EXT1: variants seen among roughly 807,000 people sequenced by gnomAD.
EXT1 encodes the protein exostosin glycosyltransferase 1.
Under a neutral mutation model 82.5 loss-of-function variants are expected in EXT1, and 20 were observed. The ratio of observed to expected loss-of-function variants is 0.24; its 90% CI spans 0.17 to 0.35. The LOEUF (loss-of-function observed/expected upper bound fraction) is 0.35. Ranked by LOEUF, EXT1 falls within the 10% of genes least tolerant of loss-of-function variation. The pLI is 1.00. For synonymous variants in EXT1, 348 were observed against 350.8 expected (o/e 0.99, Z 0.09); for missense variants, 757 against 936.5 (o/e 0.81, Z 2.50).
intron 1 of EXT1, among the ~76,000 whole-genome samples, chr8:118,083,773 AT>A (rs1425936788): frequency 6.6e-6 from 1 of 152,130 alleles, no homozygotes; most frequent in African/African-American, 2.4e-5. Context: ...CATGCCTGTA[AT>A]CCCAGCATTT....
At chr8:117,942,618 G>A (rs1165036915) in intron 1 of EXT1, among the ~76,000 whole-genome samples, 1 of 152,104 alleles carries the variant, frequency 6.6e-6, no homozygotes, top group Non-Finnish European at 1.5e-5. Flanking sequence ...GGCTGAGGCA[G>A]GAGAATCGCT....
intron 1 of EXT1, among the ~76,000 whole-genome samples, chr8:117,897,591 CTTTTTTTTTTTTT>C (rs34963536): frequency 2.2e-5 from 2 of 90,656 alleles, no homozygotes; most frequent in Non-Finnish European, 4.0e-5. Context: ...CTTCTTTTCT[CTTTTTTTTTTTTT>C]TTTTTTTTGA....
chr8:117,830,281 C>G lies in EXT1; in HGVS notation c.1233G>C (p.Leu411Phe), dbSNP rs750160957. The G allele has an allele frequency of 6.2e-7, 1 of 1,613,954 alleles. No individual in the cohort carries two copies. ...ILALRQQTQF[L>F]WEAYFSSVEK... is the part of the protein sequence containing the mutation. ...CAACTGAAGAAAAATAAGCCTCCCA[C>G]AAGAATTGTGTCTGCTGTCTAAGTG... Residue 411 changes from leucine (L) to phenylalanine (F), a missense_variant, in exon 4 of 11, where the codon TTG becomes TTC. Leu to Phe is a conservative substitution (Grantham distance 22). Coordinates refer to ENST00000378204, the MANE Select transcript of EXT1 (RefSeq NM_000127.3).
intron 1 of EXT1, among the ~76,000 whole-genome samples, chr8:117,850,843 C>G (rs946951464): frequency 9.9e-5 from 15 of 152,166 alleles, no homozygotes; most frequent in African/African-American, 3.6e-4. Flanking sequence ...CAGGACCCTG[C>G]CTGCAGGCTT....
At chr8:117,974,610 G>C (rs1033714806) in intron 1 of EXT1, among the ~76,000 whole-genome samples, 1 of 152,110 alleles carries the variant, frequency 6.6e-6, no homozygotes, top group Non-Finnish European at 1.5e-5. Flanking sequence ...TGGGACCACA[G>C]CCCATGTCAC....
intron 1 of EXT1, among the ~76,000 whole-genome samples, chr8:117,925,544 T>G: frequency 6.6e-6 from 1 of 151,854 alleles, no homozygotes; most frequent in East Asian, 1.9e-4. Flanking sequence ...CCCAGGTTTA[T>G]GAGAACAGAT....
intron 1 of EXT1, among the ~76,000 whole-genome samples, chr8:117,859,780 G>T (rs1409702707): frequency 6.6e-6 from 1 of 152,148 alleles, no homozygotes; most frequent in East Asian, 1.9e-4. Context: ...TCCATCAATG[G>T]ATGATTGGAT....
chr8:117,935,470 C>A lies in EXT1; in HGVS notation c.963-98269G>T, dbSNP rs191947044. The stretch of plus-strand genomic sequence containing the variant: ...CAAGTGGTTGGGAGGTGTGCACCAA[C>A]ACGCCTGGTACACAGGTATGCACCA... On this transcript the variant is annotated intron_variant, in intron 1 of 10. Transcript: ENST00000378204. 1.8e-4 allele frequency among the ~76,000 whole-genome samples: 28 copies of A among 152,106 alleles called. No individual in the cohort carries two copies. In the East Asian group the frequency reaches 2.3e-3, roughly 13 times the overall value.
chr8:117,828,174 T>C (rs1305175784), intron 4 of EXT1, among the ~76,000 whole-genome samples: 2 of 152,106 alleles, frequency 1.3e-5, no homozygotes, highest in Non-Finnish European at 2.9e-5. Flanking sequence ...AATATATATG[T>C]TTGTGGGGAT....
chr8:117,923,967 C>G lies in EXT1; in HGVS notation c.963-86766G>C, dbSNP rs998956939. Reference sequence around the variant, plus strand: ...ACATGTATTCACCATCGTTGATATACTGAGAATAACTCCCAGACTAAGAGT... The same window carrying G: ...ACATGTATTCACCATCGTTGATATAGTGAGAATAACTCCCAGACTAAGAGT... On this transcript the variant is annotated intron_variant, in intron 1 of 10. Transcript: ENST00000378204. Among the ~76,000 whole-genome samples, 4 of 152,290 alleles carry G rather than the reference C, an allele frequency of 2.6e-5. No individual in the cohort carries two copies. In the East Asian group the frequency reaches 7.7e-4, roughly 29 times the overall value.
rs139705378 is a variant in EXT1, at chr8:117,950,945, T to C, written c.963-113744A>G. Among the ~76,000 whole-genome samples, 33 of 152,326 alleles carry C rather than the reference T, an allele frequency of 2.2e-4. No individual in the cohort carries two copies. The East Asian group carries it at 6.0e-3, about 28-fold the overall frequency. On this transcript the variant is annotated intron_variant, in intron 1 of 10. Transcript: ENST00000378204. ...TAAAAGTTGTAAGTTTCTATACTTA[T>C]AACCAAAGAGGCAAATTATATTTTG...
At chr8:118,009,409 A>C (rs1048361816) in intron 1 of EXT1, among the ~76,000 whole-genome samples, 13 of 152,194 alleles carry the variant, frequency 8.5e-5, no homozygotes, top group African/African-American at 2.7e-4. Flanking sequence ...GCTCTAATCC[A>C]CAGAGGGAAA....
chr8:117,856,126 G>C (rs1254304798), intron 1 of EXT1, among the ~76,000 whole-genome samples: 1 of 152,222 alleles, frequency 6.6e-6, no homozygotes, highest in African/African-American at 2.4e-5. Context: ...TGTTACTCCA[G>C]TGAACACATG....
At chr8:117,938,537 G>A (rs1234056128) in intron 1 of EXT1, among the ~76,000 whole-genome samples, 1 of 152,160 alleles carries the variant, frequency 6.6e-6, no homozygotes, top group African/African-American at 2.4e-5. Context: ...CACACTTTGA[G>A]TGCTCCACAG....
At chr8:117,867,596 G>T (rs986406021) in intron 1 of EXT1, among the ~76,000 whole-genome samples, 1 of 152,184 alleles carries the variant, frequency 6.6e-6, no homozygotes, top group Non-Finnish European at 1.5e-5. Flanking sequence ...AACCTGGCTG[G>T]ATTGGAAACT....
At chr8:117,804,672 G>T (rs751629991) in intron 10 of EXT1, 50 bp downstream of exon 10, 1 of 1,607,074 alleles carries the variant, frequency 6.2e-7, no homozygotes, top group Non-Finnish European at 8.5e-7. Context: ...ATTACCTGGG[G>T]CTGAACCACC....
intron 1 of EXT1, among the ~76,000 whole-genome samples, chr8:117,851,111 T>C (rs1376186279): frequency 6.6e-6 from 1 of 152,162 alleles, no homozygotes; most frequent in African/African-American, 2.4e-5. Flanking sequence ...ACACTTGTGC[T>C]TTCTGTAATA....
intron 1 of EXT1, among the ~76,000 whole-genome samples, chr8:118,109,156 G>A (rs1457662232): frequency 6.6e-6 from 1 of 152,132 alleles, no homozygotes; most frequent in Non-Finnish European, 1.5e-5. Context: ...AAGGAAAAAG[G>A]AAGAGTGAAA....
At chr8:117,868,227 A>T (rs1019297763) in intron 1 of EXT1, among the ~76,000 whole-genome samples, 1 of 152,302 alleles carries the variant, frequency 6.6e-6, no homozygotes, top group South Asian at 2.1e-4. Flanking sequence ...TTCCCACCTT[A>T]GATAATTGCT....
Sources: gnomAD v4.1 joint callset for allele counts (sites outside exome capture counted in the v4.1 genomes callset) on GRCh38, gnomAD v4.1.1 for gene constraint, MANE v1.5 for transcripts, NCBI Gene and HGNC (gene_info 2026-07-23, HGNC 2026-07-21) for gene names.